Variants in BRWD1 observed in about 807,000 individuals in gnomAD.
The protein encoded by BRWD1 is bromodomain and WD repeat domain containing 1, also known as bromodomain and WD repeat-containing protein 1.
BRWD1 carries 82 observed loss-of-function variants against 251.2 expected under a neutral mutation model. That is an observed-to-expected ratio of 0.33 (90% CI 0.27 to 0.39). BRWD1 has a LOEUF of 0.39. Ranked by LOEUF, BRWD1 falls within the 10% of genes least tolerant of loss-of-function variation. The pLI, the probability that BRWD1 is intolerant of heterozygous loss-of-function variation, is 1.00. For synonymous variants in BRWD1, 918 were observed against 902.8 expected (o/e 1.02, Z -0.30); for missense variants, 2,233 against 2,711.6 (o/e 0.82, Z 3.92).
chr21:39,190,049 A>C lies in BRWD1; in HGVS notation c.*6210T>G. 1 of 985,410 alleles carries C rather than the reference A, an allele frequency of 1.0e-6. No individual in the cohort carries two copies. The highest frequency in any genetic ancestry group is 1.2e-6 in the Non-Finnish European group (1 of 829,912). The allele number at this position is 985,410 out of a possible 1,614,324, so 61.0% of individuals were successfully genotyped here. On this transcript the variant is annotated 3_prime_UTR_variant, in exon 41 of 41. Transcript: ENST00000342449. ...ACACATCAGTAGTGTAAAACTGTAC[A>C]TCTGTAGTAGCACTCCATGATCATT...
chr21:39,292,122 T>TG (rs1336734101), intron 8 of BRWD1, among the ~76,000 whole-genome samples: 35 of 2,180 alleles, frequency 0.016, 1 homozygote, highest in Middle Eastern at 0.17. Flanking sequence ...TTGTGGGGGG[T>TG]GGGTGGGGGT....
upstream of BRWD1, among the ~76,000 whole-genome samples, chr21:39,317,583 C>A (rs1357062777): frequency 2.0e-5 from 3 of 152,250 alleles, no homozygotes; most frequent in Admixed American, 6.5e-5. Context: ...AAAGTCCATT[C>A]TCCCTTGGCC....
intron 37 of BRWD1, among the ~76,000 whole-genome samples, chr21:39,202,984 A>G (rs2032186896): frequency 6.6e-6 from 1 of 152,250 alleles, no homozygotes; most frequent in Admixed American, 6.5e-5. Context: ...AAACAGGAAA[A>G]GTTAAAAAAA....
chr21:39,270,487 G>A (rs753518615), intron 13 of BRWD1, 54 bp from the exon 14 acceptor site: 30 of 1,403,966 alleles, frequency 2.1e-5, no homozygotes, highest in African/African-American at 2.9e-5. Flanking sequence ...GCTATACAAT[G>A]TATACAATCT....
chr21:39,217,420 G>C (rs1453973759), intron 31 of BRWD1: 1 of 204,274 alleles, frequency 4.9e-6, no homozygotes, highest in African/African-American at 2.4e-5. Flanking sequence ...ATTTTTAAAT[G>C]ACACAAAGAA....
intron 34 of BRWD1, 89 bp downstream of exon 34, chr21:39,212,577 A>C: frequency 2.8e-6 from 3 of 1,069,204 alleles, no homozygotes; most frequent in Non-Finnish European, 4.2e-6. Flanking sequence ...ACACTGATAT[A>C]ACTTTTCAAA....
In BRWD1 at chr21:39,290,215, C is replaced by T. The variant is rs60380887; in HGVS notation, c.831+3596G>A. On this transcript the variant is annotated intron_variant, in intron 8 of 40. Coordinates refer to ENST00000342449, the MANE Select transcript of BRWD1 (RefSeq NM_033656.4). ...GTTAAAATCACCCACTGAGGTTGGG[C>T]GAGGTGGCTCACACCTGTAATCCCA... Among the ~76,000 whole-genome samples, 59 of 152,014 alleles carry T rather than the reference C, an allele frequency of 3.9e-4. No homozygotes were observed. In the East Asian group the frequency reaches 7.6e-3, roughly 19 times the overall value.
intron 21 of BRWD1, among the ~76,000 whole-genome samples, chr21:39,246,589 C>CAAAAAGTGGAAACAATACA (rs1360080337): frequency 1.3e-5 from 2 of 152,022 alleles, no homozygotes; most frequent in Non-Finnish European, 2.9e-5. Flanking sequence ...TCATAACAGC[C>CAAAAAGTGGAAACAATACA]AAAAAGTGGA....
intron 21 of BRWD1, among the ~76,000 whole-genome samples, chr21:39,244,462 A>T (rs1320635838): frequency 6.6e-6 from 1 of 152,196 alleles, no homozygotes; most frequent in African/African-American, 2.4e-5. Context: ...AGAGTGCCTG[A>T]ATTCCTACTT....
intron 31 of BRWD1, chr21:39,217,076 TATATATA>T (rs2032971444): frequency 2.2e-3 from 28 of 12,732 alleles, no homozygotes; most frequent in African/African-American, 7.2e-3. Flanking sequence ...TATATATATA[TATATATA>T]TTTTTTTTTT....
chr21:39,258,258 T>C (rs968706106), intron 18 of BRWD1, among the ~76,000 whole-genome samples: 1 of 152,220 alleles, frequency 6.6e-6, no homozygotes, highest in Non-Finnish European at 1.5e-5. Context: ...ATTTTGTAAA[T>C]ACTGTATTTT....
chr21:39,251,585 T>G (rs2034395199), intron 19 of BRWD1, among the ~76,000 whole-genome samples: 1 of 152,172 alleles, frequency 6.6e-6, no homozygotes, highest in Non-Finnish European at 1.5e-5. Flanking sequence ...GAGTAAATGC[T>G]GTAAGGATAA....
intron 19 of BRWD1, among the ~76,000 whole-genome samples, chr21:39,255,126 C>T (rs147971860): frequency 2.2e-3 from 330 of 152,058 alleles, no homozygotes; most frequent in Non-Finnish European, 3.1e-3. Context: ...CAAAAAAAGA[C>T]GGAGCCGGGC....
At chr21:39,314,074 G>C (rs2036631778), upstream of BRWD1, 2 of 455,876 alleles carry the variant, frequency 4.4e-6, no homozygotes, top group Non-Finnish European at 8.8e-6. Context: ...CGGGTCGCTC[G>C]GAAGGGTCAT....
intron 22 of BRWD1, 25 bp downstream of exon 22, chr21:39,238,454 A>G: frequency 6.4e-7 from 1 of 1,574,748 alleles, no homozygotes; most frequent in Non-Finnish European, 8.7e-7. Flanking sequence ...AATGCTTAAA[A>G]GACCACAACA....
intron 4 of BRWD1, among the ~76,000 whole-genome samples, chr21:39,308,345 A>C (rs1040268847): frequency 6.6e-6 from 1 of 152,070 alleles, no homozygotes; most frequent in African/African-American, 2.4e-5. Context: ...AGCCAGGCAT[A>C]GTGGTACATG....
At position 39,295,803 on chromosome 21, in the gene BRWD1, G is replaced by A. The variant is rs141961559; in HGVS notation, c.549C>T (p.Leu183=). 87 of 1,611,950 alleles carry A rather than the reference G, an allele frequency of 5.4e-5. No individual in the cohort carries two copies. In the Middle Eastern group the frequency reaches 8.3e-4, roughly 15 times the overall value. ...YQHIKMHRRI[L]GHLSAVYCVA... ...CACAGTAAACAGCAGATAGATGTCCGAGAATCCTTCTGTGCATTTTTATAT... is the reference window on the plus strand; with the variant it reads ...CACAGTAAACAGCAGATAGATGTCCAAGAATCCTTCTGTGCATTTTTATAT... The change falls in exon 7 of 41, where the codon CTC becomes CTT. Residue 183 remains leucine, a synonymous_variant. Transcript: ENST00000342449.
intron 4 of BRWD1, among the ~76,000 whole-genome samples, chr21:39,300,846 T>G (rs898547909): frequency 3.3e-5 from 5 of 152,178 alleles, no homozygotes; most frequent in African/African-American, 1.2e-4. Flanking sequence ...CACTTGGGAC[T>G]TTAATTACAC....
At chr21:39,237,805 T>C (rs1424650425) in intron 22 of BRWD1, among the ~76,000 whole-genome samples, 2 of 152,196 alleles carry the variant, frequency 1.3e-5, no homozygotes, top group East Asian at 3.8e-4. Context: ...ATTTCTGTTA[T>C]GTGTATTTTA....
Sources: gnomAD v4.1 joint callset for allele counts (sites outside exome capture counted in the v4.1 genomes callset) on GRCh38, gnomAD v4.1.1 for gene constraint, MANE v1.5 for transcripts, NCBI Gene and HGNC (gene_info 2026-07-23, HGNC 2026-07-21) for gene names.